Variants in MMS22L observed in about 807,000 individuals in gnomAD.
The protein encoded by MMS22L is MMS22 like, DNA repair protein, also known as protein MMS22-like.
Under a neutral mutation model 159.1 loss-of-function variants are expected in MMS22L, and 74 were observed. The ratio of observed to expected loss-of-function variants is 0.47; its 90% confidence interval spans 0.39 to 0.56. The LOEUF (loss-of-function observed/expected upper bound fraction) is 0.56. Ranked by LOEUF, MMS22L falls within the 20% of genes least tolerant of loss-of-function variation. The pLI, the probability that MMS22L is intolerant of heterozygous loss-of-function variation, is 0.00. For missense variants in MMS22L, 1,351 were observed against 1,422.1 expected (o/e 0.95, Z 0.80); for synonymous variants, 517 against 506.9 (o/e 1.02, Z -0.27).
intron 14 of MMS22L, 30 bp downstream of exon 14, chr6:97,228,864 C>A: frequency 6.4e-7 from 1 of 1,555,442 alleles, no homozygotes; most frequent in South Asian, 1.2e-5. Flanking sequence ...TAAAACAAAT[C>A]ATAAATTAGC....
intron 14 of MMS22L, among the ~76,000 whole-genome samples, chr6:97,213,624 A>G (rs1156516048): frequency 6.6e-6 from 1 of 152,170 alleles, no homozygotes; most frequent in Non-Finnish European, 1.5e-5. Flanking sequence ...ACTACATATA[A>G]TTCTGTATTA....
chr6:97,175,387 A>G (rs1437442081), intron 18 of MMS22L, among the ~76,000 whole-genome samples: 1 of 152,204 alleles, frequency 6.6e-6, no homozygotes, highest in Non-Finnish European at 1.5e-5. Flanking sequence ...ATTTTGAAAG[A>G]TTTTTCACAT....
intron 14 of MMS22L, among the ~76,000 whole-genome samples, chr6:97,213,463 C>T (rs1015181000): frequency 7.2e-5 from 11 of 152,146 alleles, no homozygotes; most frequent in Admixed American, 2.0e-4. Context: ...TTTTGTCCCC[C>T]CACCCTTCAA....
chr6:97,180,193 C>T (rs920363988), intron 16 of MMS22L, among the ~76,000 whole-genome samples: 4 of 152,062 alleles, frequency 2.6e-5, no homozygotes, highest in Non-Finnish European at 5.9e-5. Context: ...GCTCTGCCTC[C>T]CGGGTTCACG....
intron 15 of MMS22L, among the ~76,000 whole-genome samples, chr6:97,185,922 A>G (rs1805178232): frequency 6.6e-6 from 1 of 152,080 alleles, no homozygotes; most frequent in Non-Finnish European, 1.5e-5. Context: ...AATGATATAT[A>G]TGCGCATATA....
At position 97,203,629 on chromosome 6, in the gene MMS22L, G is replaced by A. The variant is rs550150845; in HGVS notation, c.2040-16939C>T. The stretch of plus-strand genomic sequence containing the variant: ...CAGGATCAAAGCAAACCACTGAGGA[G>A]GCAGCTGTATTATAGCAGCTCTGCT... On this transcript the variant is annotated intron_variant, in intron 14 of 24. Transcript: ENST00000683635. Among the ~76,000 whole-genome samples, 104 of 152,296 alleles carry A rather than the reference G, an allele frequency of 6.8e-4. 1 individual carries two copies. Among genetic ancestry groups the A allele is most frequent in the African/African-American group, 2.4e-3 (99 of 41,562 alleles).
chr6:97,279,187 T>C (rs1816517044), intron 3 of MMS22L, among the ~76,000 whole-genome samples: 1 of 152,342 alleles, frequency 6.6e-6, no homozygotes. Flanking sequence ...ATACTGTTTA[T>C]ATCTTTAAGT....
Position 97,142,998 on chromosome 6 carries a change from T to G in MMS22L, c.*3808A>C, listed in dbSNP as rs1464155112. The G allele has an allele frequency of 1.3e-5, 2 of 152,576 alleles. No individual in the cohort carries two copies. The allele number at this position is 152,576 out of a possible 1,614,324, so 9.5% of individuals were successfully genotyped here. A position where few individuals can be genotyped will look rare whatever the true frequency, so the allele number is the denominator to read the frequency against. ...TACAAGTTTTAAACTATGAAATTCC[T>G]CTAATGCAAATGAACTCAATACTGA... On this transcript the variant is annotated 3_prime_UTR_variant, in exon 25 of 25. Transcript: ENST00000683635.
At chr6:97,151,263 C>T (rs1430279323) in intron 23 of MMS22L, among the ~76,000 whole-genome samples, 1 of 152,150 alleles carries the variant, frequency 6.6e-6, no homozygotes. Context: ...TTTTACTGTA[C>T]CTTTTCTATG....
chr6:97,209,925 G>A (rs987159785), intron 14 of MMS22L, among the ~76,000 whole-genome samples: 5 of 151,748 alleles, frequency 3.3e-5, no homozygotes, highest in Non-Finnish European at 4.4e-5. Context: ...TAATTTAATC[G>A]TGCTGGCAGT....
Position 97,273,082 on chromosome 6 carries a change from T to C in MMS22L, c.341-20A>G. 6.4e-7 allele frequency: 1 copy of C among 1,573,014 alleles called. No individual in the cohort carries two copies. Among genetic ancestry groups the C allele is most frequent in the East Asian group, 2.2e-5 (1 of 44,646 alleles). On this transcript the variant is annotated intron_variant, in intron 4 of 24. Coordinates refer to ENST00000683635, the MANE Select transcript of MMS22L (RefSeq NM_001350599.2). ...CCTTCCCTGAAACCAAAATAGACAATGTTAATCATAGTTCAAATAATTATC... is the reference window on the plus strand; with the variant it reads ...CCTTCCCTGAAACCAAAATAGACAACGTTAATCATAGTTCAAATAATTATC...
chr6:97,259,127 T>C (rs1024821917), intron 9 of MMS22L: 6 of 152,148 alleles, frequency 3.9e-5, no homozygotes, highest in African/African-American at 1.4e-4. Flanking sequence ...CACACACACA[T>C]TGCCTTTTTC....
intron 14 of MMS22L, among the ~76,000 whole-genome samples, chr6:97,188,732 G>A (rs969260213): frequency 6.4e-4 from 97 of 152,058 alleles, no homozygotes; most frequent in African/African-American, 2.2e-3. Context: ...GGCCAGGGTG[G>A]GTGGATCACT....
intron 9 of MMS22L, chr6:97,259,190 T>C (rs1185642958): frequency 6.6e-6 from 1 of 152,230 alleles, no homozygotes; most frequent in Non-Finnish European, 1.5e-5. Context: ...ACTTTATTTC[T>C]ATCATTTAAC....
intron 10 of MMS22L, among the ~76,000 whole-genome samples, chr6:97,252,720 C>T (rs535026230): frequency 6.6e-6 from 1 of 151,318 alleles, no homozygotes; most frequent in East Asian, 1.9e-4. Context: ...TGCAAATACA[C>T]AACAGAAACT....
At position 97,268,070 on chromosome 6, in the gene MMS22L, A is replaced by G. The variant is rs9488380; in HGVS notation, c.698-68T>C. The G allele has an allele frequency of 3.6e-6, 4 of 1,099,536 alleles. No homozygotes were observed. The South Asian group carries it at 9.7e-5, about 27-fold the overall frequency. 68.1% of individuals were successfully genotyped at this position (1,099,536 alleles called of 1,614,324 possible). ...AAGTCAGAAAGGAAAAAGTGACTGT[A>G]CATCTTTAAATTATAACAAAACTAA... On this transcript the variant is annotated intron_variant, in intron 7 of 24. Transcript: ENST00000683635.
At chr6:97,220,800 G>C (rs1000833018) in intron 14 of MMS22L, among the ~76,000 whole-genome samples, 2 of 152,058 alleles carry the variant, frequency 1.3e-5, no homozygotes, top group Non-Finnish European at 2.9e-5. Context: ...GTCCACTGCA[G>C]TGAGGCAATG....
At chr6:97,270,182 G>C (rs753835677) in intron 6 of MMS22L, 190 bp from the exon 7 acceptor site, 6 of 637,400 alleles carry the variant, frequency 9.4e-6, no homozygotes, top group African/African-American at 3.7e-5. Context: ...TTGAAAGCAG[G>C]AAATATTTTC....
Position 97,150,019 on chromosome 6 carries a change from G to T in MMS22L, c.3484C>A (p.Gln1162Lys). The change falls in exon 24 of 25, where the codon CAG becomes AAG. Residue 1162 changes from glutamine to lysine, a missense_variant and splice_region_variant. Gln to Lys is a moderately conservative substitution (Grantham distance 53). Transcript: ENST00000683635. ...PSSQLTSVFR[Q>K]FIQDYGMRYY... The stretch of plus-strand genomic sequence containing the variant: ...CTCATACCATAATCCTGGATAAACT[G>T]CCTGAAAGTAAAACAGGTTTATTTA... 4.3e-6 allele frequency: 7 copies of T among 1,612,328 alleles called. No individual in the cohort carries two copies. The highest frequency in any genetic ancestry group is 5.9e-6 in the Non-Finnish European group (7 of 1,179,192).
Sources: allele counts gnomAD v4.1 joint callset (sites outside exome capture counted in the v4.1 genomes callset), GRCh38; gene constraint gnomAD v4.1.1; transcripts MANE v1.5; gene names NCBI Gene and HGNC (gene_info 2026-07-23, HGNC 2026-07-21).